RAB23: variants seen among roughly 807,000 people sequenced by gnomAD.
RAB23 encodes the protein RAB23, member RAS oncogene family.
In RAB23, 15 loss-of-function variants were observed where a neutral mutation model predicts 30.0. That is an observed-to-expected ratio of 0.50 (90% confidence interval 0.33 to 0.77). The LOEUF (loss-of-function observed/expected upper bound fraction) is 0.77. Among genes scored for constraint, RAB23 ranks in the 30% least tolerant of loss-of-function variants. RAB23 has a pLI of 0.02. For synonymous variants in RAB23, 93 were observed against 94.0 expected, an observed-to-expected ratio of 0.99 and a Z score of 0.06; for missense variants, 243 against 275.4, an observed-to-expected ratio of 0.88 and a Z score of 0.83.
intron 3 of RAB23, among the ~76,000 whole-genome samples, chr6:57,205,960 G>A (rs1765442509): frequency 6.6e-6 from 1 of 152,158 alleles, no homozygotes; most frequent in Non-Finnish European, 1.5e-5. Context: ...ACACAAAAGA[G>A]CTCTTTTGGA....
At chr6:57,206,750 G>A (rs892455984) in intron 3 of RAB23, among the ~76,000 whole-genome samples, 14 of 152,198 alleles carry the variant, frequency 9.2e-5, no homozygotes, top group Non-Finnish European at 1.8e-4. Context: ...CTTAGAGAAG[G>A]CAGCAGAGGA....
rs1298298660 is a variant in RAB23 at position 57,188,589 on chromosome 6, G to A, written c.*1872C>T. The A allele has an allele frequency of 6.6e-6, 1 of 152,142 alleles. No homozygotes were observed. Among genetic ancestry groups the A allele is most frequent in the African/African-American group, 2.4e-5 (1 of 41,440 alleles). 9.4% of individuals were successfully genotyped at this position (152,142 alleles called of 1,614,324 possible). A position where few individuals can be genotyped will look rare whatever the true frequency, so the allele number is the denominator to read the frequency against. ...CAAAAATTAAAGAGGAGAGTAGAGAGTAGAAAATTGAAGAGAGTAGAAAAG... is the reference window on the plus strand; with the variant it reads ...CAAAAATTAAAGAGGAGAGTAGAGAATAGAAAATTGAAGAGAGTAGAAAAG... On this transcript the variant is annotated 3_prime_UTR_variant, in exon 7 of 7. Transcript: ENST00000468148.
In RAB23 at chr6:57,207,630, C is replaced by T. The variant is rs145669565; in HGVS notation, c.239G>A (p.Arg80Gln). Residue 80 changes from arginine (R) to glutamine (Q), a missense_variant and splice_region_variant, in exon 3 of 7, where the codon CGA becomes CAA. Physicochemically the swap from Arg to Gln is conservative, Grantham distance 43 (BLOSUM62 1). Coordinates refer to ENST00000468148, the MANE Select transcript of RAB23 (RefSeq NM_016277.5). The part of the protein sequence containing the change: ...EFDAITKAYY[R>Q]GAQACVLVFS... ...AATAAATAAATCCTGTGTTTTACCT[C>T]GATAGTAGGCCTTTGTAATTGCATC... 1.6e-5 allele frequency: 26 copies of T among 1,586,684 alleles called. No homozygotes were observed. The highest frequency in any genetic ancestry group is 2.2e-5 in the Non-Finnish European group (25 of 1,155,528).
chr6:57,213,301 G>A (rs1765720358), intron 1 of RAB23, among the ~76,000 whole-genome samples: 2 of 152,160 alleles, frequency 1.3e-5, no homozygotes, highest in African/African-American at 4.8e-5. Flanking sequence ...CCAGTCCACG[G>A]CCTGGGAGTT....
chr6:57,211,366 G>A (rs145740774), intron 1 of RAB23, among the ~76,000 whole-genome samples: 2 of 152,190 alleles, frequency 1.3e-5, no homozygotes, highest in Admixed American at 1.3e-4. Context: ...AGGCTGAGGT[G>A]GGAGGATCCC....
At chr6:57,197,861 C>G (rs1318749164) in intron 3 of RAB23, among the ~76,000 whole-genome samples, 1 of 152,198 alleles carries the variant, frequency 6.6e-6, no homozygotes. Flanking sequence ...ACCTCAGCCT[C>G]CTGAGTAACT....
chr6:57,190,358 TA>T lies in RAB23; in HGVS notation c.*102del, dbSNP rs1764791808. 7.3e-7 allele frequency: 1 copy of T among 1,371,970 alleles called. No homozygotes were observed. The highest frequency in any genetic ancestry group is 1.0e-6 in the Non-Finnish European group (1 of 966,432). 85.0% of individuals were successfully genotyped at this position (1,371,970 alleles called of 1,614,324 possible). ...AAGTCTGTCACTTTCAGAGAGCCAT[TA>T]GGAGCAAAGTCTGCTGAAAACCTTG... is the stretch of plus-strand genomic sequence containing the variant. On this transcript the variant is annotated 3_prime_UTR_variant, in exon 7 of 7. Coordinates refer to ENST00000468148, the MANE Select transcript of RAB23 (RefSeq NM_016277.5).
chr6:57,191,535 C>T (rs1045894995), intron 6 of RAB23, among the ~76,000 whole-genome samples: 4 of 150,944 alleles, frequency 2.6e-5, no homozygotes, highest in South Asian at 2.1e-4. Flanking sequence ...CCGCAACTTC[C>T]GCCTCTTGGA....
intron 3 of RAB23, among the ~76,000 whole-genome samples, chr6:57,201,808 G>A (rs969727577): frequency 5.3e-5 from 8 of 152,232 alleles, no homozygotes; most frequent in Admixed American, 2.0e-4. Context: ...ATTTCATGTC[G>A]TCTGTATCTT....
At chr6:57,208,483 C>T (rs1366886874) in intron 2 of RAB23, among the ~76,000 whole-genome samples, 1 of 151,898 alleles carries the variant, frequency 6.6e-6, no homozygotes, top group Non-Finnish European at 1.5e-5. Context: ...CCTGTCTCTA[C>T]CAAAAATAGA....
At chr6:57,194,707 C>T (rs1271975946) in intron 5 of RAB23, 63 bp downstream of exon 5, 3 of 1,215,932 alleles carry the variant, frequency 2.5e-6, no homozygotes, top group Non-Finnish European at 3.6e-6. Context: ...CTAAACAACA[C>T]AATTTTAAAA....
In RAB23 at chr6:57,221,778, GC is replaced by G. The variant is rs1766070252; in HGVS notation, c.-119del. 3 of 152,252 alleles carry G rather than the reference GC, an allele frequency of 2.0e-5. No homozygotes were observed. In the South Asian group the frequency reaches 6.2e-4, roughly 32 times the overall value. 9.4% of individuals were successfully genotyped at this position (152,252 alleles called of 1,614,324 possible). On this transcript the variant is annotated 5_prime_UTR_variant, in exon 1 of 7. Coordinates refer to ENST00000468148, the MANE Select transcript of RAB23 (RefSeq NM_016277.5). ...CTGGCGCTGCCGCCCACCTTCTCTA[GC>G]TGGAACTTGGGATCGGTGCTCAGGG...
intron 2 of RAB23, among the ~76,000 whole-genome samples, chr6:57,208,206 T>C (rs1765516781): frequency 6.6e-6 from 1 of 152,210 alleles, no homozygotes; most frequent in Non-Finnish European, 1.5e-5. Flanking sequence ...CCATGTTTTT[T>C]TCTTTGACAC....
intron 3 of RAB23, among the ~76,000 whole-genome samples, chr6:57,206,851 T>C (rs1269778179): frequency 6.6e-6 from 1 of 152,196 alleles, no homozygotes. Flanking sequence ...AGTATATCAG[T>C]TGTGCCTTTT....
At chr6:57,194,742 C>A (rs184310550) in intron 5 of RAB23, 28 bp downstream of exon 5, 2 of 1,493,796 alleles carry the variant, frequency 1.3e-6, no homozygotes, top group Non-Finnish European at 1.9e-6. Context: ...TTTCTTTTTG[C>A]AATCTATATC....
At chr6:57,193,623 C>T (rs1336149991) in intron 6 of RAB23, among the ~76,000 whole-genome samples, 3 of 152,086 alleles carry the variant, frequency 2.0e-5, no homozygotes, top group East Asian at 1.9e-4. Flanking sequence ...AAGTCTTTAT[C>T]TCTGTTGTGT....
At chr6:57,214,819 C>G (rs1765777376) in intron 1 of RAB23, among the ~76,000 whole-genome samples, 1 of 152,040 alleles carries the variant, frequency 6.6e-6, no homozygotes, top group Admixed American at 6.6e-5. Context: ...CCAGGAAAAT[C>G]TTAAATGCAA....
chr6:57,195,724 A>G (rs1593209463), intron 4 of RAB23, among the ~76,000 whole-genome samples: 1 of 152,200 alleles, frequency 6.6e-6, no homozygotes, highest in Non-Finnish European at 1.5e-5. Context: ...ATGGTCCAGC[A>G]CCAGTGTAGC....
intron 3 of RAB23, among the ~76,000 whole-genome samples, chr6:57,199,629 T>C (rs1286811076): frequency 6.6e-6 from 1 of 152,072 alleles, no homozygotes; most frequent in Non-Finnish European, 1.5e-5. Context: ...AAATAAAAAA[T>C]CTGAAATAAG....
Sources: allele counts gnomAD v4.1 joint callset (sites outside exome capture counted in the v4.1 genomes callset), GRCh38; gene constraint gnomAD v4.1.1; transcripts MANE v1.5; gene names NCBI Gene and HGNC (gene_info 2026-07-23, HGNC 2026-07-21).